Variants in NCKAP5 observed in about 807,000 individuals in gnomAD.
The protein encoded by NCKAP5 is NCK associated protein 5, also known as nck-associated protein 5.
NCKAP5 carries 92 observed loss-of-function variants against 167.0 expected under a neutral mutation model. The ratio of observed to expected loss-of-function variants is 0.55; its 90% CI spans 0.47 to 0.66. The LOEUF is 0.66. Ranked by LOEUF, NCKAP5 falls within the 30% of genes least tolerant of loss-of-function variation. The pLI is 0.00. For missense variants in NCKAP5, 2,378 were observed against 2,315.0 expected, an observed-to-expected ratio of 1.03 and a Z score of -0.56; for synonymous variants, 891 against 877.4, an observed-to-expected ratio of 1.02 and a Z score of -0.27.
intron 2 of NCKAP5, among the ~76,000 whole-genome samples, chr2:133,544,180 C>A (rs1686457757): frequency 6.6e-6 from 1 of 152,112 alleles, no homozygotes; most frequent in African/African-American, 2.4e-5. Context: ...TTTATATTAC[C>A]TTTGGTTACC....
At chr2:133,478,156 C>A (rs1680101343) in intron 3 of NCKAP5, among the ~76,000 whole-genome samples, 1 of 152,196 alleles carries the variant, frequency 6.6e-6, no homozygotes, top group Non-Finnish European at 1.5e-5. Context: ...TGGTTTCAAA[C>A]TCACTTTCTC....
At chr2:132,797,782 C>T (rs1684721543) in intron 11 of NCKAP5, among the ~76,000 whole-genome samples, 1 of 152,142 alleles carries the variant, frequency 6.6e-6, no homozygotes, top group Admixed American at 6.5e-5. Flanking sequence ...AGCATATCTA[C>T]CATGAAGTCA....
intron 6 of NCKAP5, among the ~76,000 whole-genome samples, chr2:133,017,838 G>A (rs2078393184): frequency 6.6e-6 from 1 of 150,464 alleles, no homozygotes; most frequent in South Asian, 2.1e-4. Context: ...TTATAATCAA[G>A]ATCATACTTT....
intron 3 of NCKAP5, among the ~76,000 whole-genome samples, chr2:133,469,197 G>C (rs1004467925): frequency 6.6e-6 from 1 of 151,934 alleles, no homozygotes; most frequent in Non-Finnish European, 1.5e-5. Flanking sequence ...CTCTTTTAGG[G>C]CAGGCCTGGT....
chr2:133,638,132 T>C, the NCKAP5 span, among the ~76,000 whole-genome samples: 1 of 152,204 alleles, frequency 6.6e-6, no homozygotes, highest in Non-Finnish European at 1.5e-5. Context: ...AGGAGGTATA[T>C]TTTCTGACAA....
intron 3 of NCKAP5, among the ~76,000 whole-genome samples, chr2:133,337,001 A>C (rs561986321): frequency 6.6e-6 from 1 of 152,180 alleles, no homozygotes; most frequent in Non-Finnish European, 1.5e-5. Context: ...AATAAATACC[A>C]AACAACAAAC....
At chr2:133,184,189 T>G (rs2150047752) in intron 5 of NCKAP5, among the ~76,000 whole-genome samples, 1 of 152,236 alleles carries the variant, frequency 6.6e-6, no homozygotes. Context: ...AAATTTTAAC[T>G]CCCACCTATA....
intron 13 of NCKAP5, 61 bp from the exon 14 acceptor site, chr2:132,785,779 G>T: frequency 1.5e-6 from 2 of 1,323,188 alleles, no homozygotes; most frequent in Admixed American, 3.4e-5. Flanking sequence ...AGATATAAAA[G>T]GAAAAGTACA....
intron 19 of NCKAP5, among the ~76,000 whole-genome samples, chr2:132,719,201 G>C (rs1689671637): frequency 6.6e-6 from 1 of 152,180 alleles, no homozygotes; most frequent in Non-Finnish European, 1.5e-5. Context: ...AGTGAAGCTG[G>C]AGAAGCAAGA....
intron 5 of NCKAP5, among the ~76,000 whole-genome samples, chr2:133,152,126 C>T (rs2083404200): frequency 6.6e-6 from 1 of 152,076 alleles, no homozygotes; most frequent in Non-Finnish European, 1.5e-5. Context: ...CTCTGCCTTC[C>T]CTCTGTTTAC....
chr2:132,862,697 T>C (rs959113935), intron 10 of NCKAP5, among the ~76,000 whole-genome samples: 2 of 151,176 alleles, frequency 1.3e-5, no homozygotes, highest in African/African-American at 4.9e-5. Context: ...GAGGCAAAGA[T>C]TGCCGTCAGC....
the NCKAP5 span, among the ~76,000 whole-genome samples, chr2:133,595,604 T>C: frequency 2.6e-5 from 4 of 151,922 alleles, no homozygotes; most frequent in African/African-American, 7.3e-5. Context: ...GACTTTCCTC[T>C]GGGGTCTCTG....
At chr2:132,946,414 G>A (rs1697733177) in intron 8 of NCKAP5, among the ~76,000 whole-genome samples, 1 of 152,080 alleles carries the variant, frequency 6.6e-6, no homozygotes, top group South Asian at 2.1e-4. Flanking sequence ...CTGGTCTTTG[G>A]AATTTATAAA....
At chr2:132,902,627 T>A (rs116615923) in intron 8 of NCKAP5, among the ~76,000 whole-genome samples, 2 of 152,202 alleles carry the variant, frequency 1.3e-5, no homozygotes, top group African/African-American at 4.8e-5. Context: ...GGCTGTAAGA[T>A]AGTTTTCAGC....
chr2:133,666,206 T>G, the NCKAP5 span, among the ~76,000 whole-genome samples: 79 of 149,474 alleles, frequency 5.3e-4, no homozygotes, highest in African/African-American at 1.1e-3. Flanking sequence ...TTTTTTTTTT[T>G]TTGTTGTTGA....
intron 3 of NCKAP5, among the ~76,000 whole-genome samples, chr2:133,517,052 T>C (rs576082418): frequency 1.3e-5 from 2 of 152,320 alleles, no homozygotes; most frequent in African/African-American, 4.8e-5. Flanking sequence ...TCTCCAAGAC[T>C]TCCTCTGCTC....
At chr2:133,369,665 C>T (rs1481025319) in intron 3 of NCKAP5, among the ~76,000 whole-genome samples, 1 of 152,016 alleles carries the variant, frequency 6.6e-6, no homozygotes, top group Non-Finnish European at 1.5e-5. Context: ...CAAGTCAATA[C>T]CAATTATAGG....
Position 132,731,728 on chromosome 2 carries a change from G to A in NCKAP5, c.5443+9C>T, listed in dbSNP as rs752793431. 2 of 1,562,266 alleles carry A rather than the reference G, an allele frequency of 1.3e-6. No individual in the cohort carries two copies. The highest frequency in any genetic ancestry group is 1.7e-6 in the Non-Finnish European group (2 of 1,151,348). On this transcript the variant is annotated intron_variant, in intron 17 of 19. Coordinates refer to ENST00000409261, the MANE Select transcript of NCKAP5 (RefSeq NM_207363.3). Reference sequence around the variant, plus strand: ...ATGTCTTATTAAGGGTGGGAAATTGGCATTTTACCTGAGGAAGCTGGTTTG... The same window carrying A: ...ATGTCTTATTAAGGGTGGGAAATTGACATTTTACCTGAGGAAGCTGGTTTG...
chr2:132,905,956 T>C (rs1693979670), intron 8 of NCKAP5, among the ~76,000 whole-genome samples: 1 of 152,182 alleles, frequency 6.6e-6, no homozygotes, highest in Admixed American at 6.5e-5. Context: ...CAATGTGAAC[T>C]AAGTGTGCAG....
Sources: allele counts gnomAD v4.1 joint callset (sites outside exome capture counted in the v4.1 genomes callset), GRCh38; gene constraint gnomAD v4.1.1; transcripts MANE v1.5; gene names NCBI Gene and HGNC (gene_info 2026-07-23, HGNC 2026-07-21).